The following DNM3 variants were observed in gnomAD, a reference collection of about 807,000 sequenced individuals.
The protein encoded by DNM3 is dynamin 3.
DNM3 carries 47 observed loss-of-function variants against 101.6 expected under a neutral mutation model. The ratio of observed to expected loss-of-function variants is 0.46; its 90% CI spans 0.37 to 0.59. The LOEUF (loss-of-function observed/expected upper bound fraction) is 0.59, where lower values mean the gene tolerates loss of function less well. DNM3 is among the 20% of genes least tolerant of loss of function. The probability of loss-of-function intolerance (pLI) is 0.00; values close to 1 mark genes in which losing one functional copy is unlikely to be tolerated. For synonymous variants in DNM3, 385 were observed against 387.9 expected (o/e 0.99, Z 0.09); for missense variants, 849 against 1,085.7 (o/e 0.78, Z 3.06).
At chr1:171,857,727 G>T (rs534580461) in intron 1 of DNM3, among the ~76,000 whole-genome samples, 11 of 152,172 alleles carry the variant, frequency 7.2e-5, no homozygotes, top group African/African-American at 2.2e-4. Flanking sequence ...GAATGATAGT[G>T]TTTTAGGTAC....
At chr1:172,225,584 T>G (rs1343569466) in intron 14 of DNM3, among the ~76,000 whole-genome samples, 8 of 149,678 alleles carry the variant, frequency 5.3e-5, no homozygotes, top group Non-Finnish European at 1.2e-4. Context: ...ATTTTTTTTT[T>G]GCCATAACTC....
chr1:172,314,375 G>C (rs963416794), intron 16 of DNM3, among the ~76,000 whole-genome samples: 4 of 152,192 alleles, frequency 2.6e-5, no homozygotes, highest in African/African-American at 9.7e-5. Flanking sequence ...GGGAGTGCCA[G>C]ACAGTGGGTG....
intron 1 of DNM3, among the ~76,000 whole-genome samples, chr1:171,913,518 G>A (rs370800276): frequency 6.6e-5 from 10 of 152,092 alleles, no homozygotes; most frequent in Non-Finnish European, 1.3e-4. Flanking sequence ...TTCCTCTAGC[G>A]ATTAAAATTG....
At chr1:172,201,123 G>T (rs1026116728) in intron 14 of DNM3, among the ~76,000 whole-genome samples, 2 of 152,122 alleles carry the variant, frequency 1.3e-5, no homozygotes, top group South Asian at 4.1e-4. Context: ...TGGTTTAAGA[G>T]GATGATATGT....
intron 2 of DNM3, among the ~76,000 whole-genome samples, chr1:171,952,309 A>G (rs2042580289): frequency 6.6e-6 from 1 of 152,234 alleles, no homozygotes; most frequent in Non-Finnish European, 1.5e-5. Flanking sequence ...TGTCAAAGAA[A>G]TATACTTGGA....
chr1:172,163,611 G>A (rs1273314569), intron 14 of DNM3, among the ~76,000 whole-genome samples: 1 of 151,868 alleles, frequency 6.6e-6, no homozygotes, highest in East Asian at 1.9e-4. Context: ...CTGAAAGTTT[G>A]TACCCTTTGA....
chr1:171,948,544 G>T (rs532961762), intron 2 of DNM3, among the ~76,000 whole-genome samples: 2 of 152,294 alleles, frequency 1.3e-5, no homozygotes, highest in East Asian at 1.9e-4. Flanking sequence ...ACACCTGAAT[G>T]AGCTTCTCAT....
At chr1:171,877,829 C>T (rs1424725386) in intron 1 of DNM3, among the ~76,000 whole-genome samples, 1 of 152,184 alleles carries the variant, frequency 6.6e-6, no homozygotes, top group South Asian at 2.1e-4. Flanking sequence ...TTCAAATTCA[C>T]AAGATGTGAA....
In DNM3 at chr1:172,344,364, G is replaced by A. The variant is rs557534022; in HGVS notation, c.1893+21024G>A. Among the ~76,000 whole-genome samples the A allele has an allele frequency of 9.5e-4, 145 of 152,206 alleles. 1 individual carries two copies. Among genetic ancestry groups the A allele is most frequent in the Non-Finnish European group, 1.1e-3 (73 of 68,008 alleles). On this transcript the variant is annotated intron_variant, in intron 17 of 20. Coordinates refer to ENST00000627582, the MANE Select transcript of DNM3 (RefSeq NM_015569.5). ...TTAGAAGGTATTGTCTTCTATTCTC[G>A]TCTTCTTATTGAACTAGAGGCTGTA... is the stretch of plus-strand genomic sequence containing the variant.
intron 17 of DNM3, among the ~76,000 whole-genome samples, chr1:172,326,269 C>T (rs141877669): frequency 4.2e-4 from 64 of 152,146 alleles, no homozygotes; most frequent in African/African-American, 1.0e-3. Context: ...AGGCCTGTTA[C>T]TTATTTTTCC....
intron 13 of DNM3, among the ~76,000 whole-genome samples, chr1:172,115,592 G>A (rs540934189): frequency 1.3e-5 from 2 of 152,112 alleles, no homozygotes; most frequent in East Asian, 1.9e-4. Flanking sequence ...TCCCCCTCTC[G>A]CTCACTGGGA....
intron 17 of DNM3, among the ~76,000 whole-genome samples, chr1:172,373,592 T>A (rs2068457936): frequency 6.6e-6 from 1 of 152,130 alleles, no homozygotes; most frequent in African/African-American, 2.4e-5. Flanking sequence ...TTGTTGATCT[T>A]TAAGCAATCT....
intron 17 of DNM3, among the ~76,000 whole-genome samples, chr1:172,368,480 G>A (rs1246388211): frequency 6.6e-6 from 1 of 151,738 alleles, no homozygotes; most frequent in Non-Finnish European, 1.5e-5. Flanking sequence ...AAAAGCAGTA[G>A]TAAGAAGAAA....
At chr1:172,040,479 T>C (rs1005226483) in intron 7 of DNM3, among the ~76,000 whole-genome samples, 1 of 142,654 alleles carries the variant, frequency 7.0e-6, no homozygotes, top group African/African-American at 2.8e-5. Flanking sequence ...AAATAGTTGG[T>C]TTTTTTTTTT....
chr1:172,058,884 TA>T (rs780934043), intron 10 of DNM3, among the ~76,000 whole-genome samples: 2 of 151,976 alleles, frequency 1.3e-5, no homozygotes, highest in Non-Finnish European at 2.9e-5. Flanking sequence ...AAAAAACCCT[TA>T]AAAAATTAAT....
At chr1:172,050,064 G>A (rs2050098605) in intron 10 of DNM3, among the ~76,000 whole-genome samples, 1 of 152,072 alleles carries the variant, frequency 6.6e-6, no homozygotes, top group Non-Finnish European at 1.5e-5. Context: ...AGCCACAGGA[G>A]TTAAGGGACT....
intron 13 of DNM3, among the ~76,000 whole-genome samples, chr1:172,104,212 A>T (rs905172941): frequency 2.0e-5 from 3 of 152,154 alleles, no homozygotes; most frequent in African/African-American, 7.2e-5. Context: ...CTTGACTTTC[A>T]GTTTTTTTAC....
At chr1:171,842,143 C>T (rs929461953) in intron 1 of DNM3, among the ~76,000 whole-genome samples, 5 of 152,124 alleles carry the variant, frequency 3.3e-5, no homozygotes, top group East Asian at 1.9e-4. Flanking sequence ...CCCACCCCCT[C>T]GGTGCGCGCC....
intron 17 of DNM3, among the ~76,000 whole-genome samples, chr1:172,368,759 T>G (rs2068162649): frequency 1.3e-5 from 2 of 151,478 alleles, no homozygotes; most frequent in South Asian, 4.2e-4. Flanking sequence ...AAATCCATAA[T>G]GAAAAAATGA....
Sources: gnomAD v4.1 joint callset for allele counts (sites outside exome capture counted in the v4.1 genomes callset) on GRCh38, gnomAD v4.1.1 for gene constraint, MANE v1.5 for transcripts, NCBI Gene and HGNC (gene_info 2026-07-23, HGNC 2026-07-21) for gene names.